DNAH11: variants seen among roughly 807,000 people sequenced by gnomAD.
The protein encoded by DNAH11 is axonemal beta dynein heavy chain 11.
Under a neutral mutation model 526.0 loss-of-function variants are expected in DNAH11, and 442 were observed. The observed-to-expected ratio is 0.84, with a 90% CI of 0.78 to 0.91. The LOEUF (loss-of-function observed/expected upper bound fraction) is 0.91, where lower values mean the gene tolerates loss of function less well. Ranked by LOEUF, DNAH11 falls within the 40% of genes least tolerant of loss-of-function variation. The probability of loss-of-function intolerance (pLI) is 0.00; values close to 1 mark genes in which losing one functional copy is unlikely to be tolerated. For missense variants in DNAH11, 6,989 were observed against 5,448.7 expected, an observed-to-expected ratio of 1.28 and a Z score of -8.90; for synonymous variants, 2,461 against 1,935.9, an observed-to-expected ratio of 1.27 and a Z score of -7.12.
intron 45 of DNAH11, among the ~76,000 whole-genome samples, chr7:21,731,056 A>G (rs181174975): frequency 7.2e-4 from 110 of 152,196 alleles, no homozygotes; most frequent in African/African-American, 2.4e-3. Flanking sequence ...AGGCAGGAGA[A>G]TTGCTTGAAC....
chr7:21,621,194 C>T (rs1226297205), intron 25 of DNAH11, among the ~76,000 whole-genome samples: 3 of 152,128 alleles, frequency 2.0e-5, no homozygotes, highest in Non-Finnish European at 4.4e-5. Flanking sequence ...CTACAAACAC[C>T]TCTATGCAAA....
At chr7:21,698,353 G>T (rs1783936624) in intron 36 of DNAH11, 140 bp downstream of exon 36, 5 of 1,223,370 alleles carry the variant, frequency 4.1e-6, no homozygotes, top group South Asian at 2.9e-5. Flanking sequence ...AATAGTTTGG[G>T]GGAACAGGTG....
rs112875732 is a variant in DNAH11, at chr7:21,742,194, C to G, written c.8154+28C>G. 2.8e-4 allele frequency: 453 copies of G among 1,607,424 alleles called. 1 individual carries two copies. In the African/African-American group the frequency reaches 5.4e-3, roughly 19 times the overall value. ...ACCTTGACTGCTCTATGTTATGCCT[C>G]TTGAGTAGAGAAATAATGATAATAC... is the stretch of plus-strand genomic sequence containing the variant. On this transcript the variant is annotated intron_variant, in intron 49 of 81. Coordinates refer to ENST00000409508, the MANE Select transcript of DNAH11 (RefSeq NM_001277115.2).
intron 28 of DNAH11, among the ~76,000 whole-genome samples, chr7:21,650,096 TA>T (rs1240821285): frequency 3.3e-5 from 5 of 152,084 alleles, no homozygotes; most frequent in Admixed American, 6.5e-5. Context: ...AAGTTTATTT[TA>T]AAAAAAACCC....
At chr7:21,865,124 G>T (rs767430061) in intron 70 of DNAH11, among the ~76,000 whole-genome samples, 2 of 151,048 alleles carry the variant, frequency 1.3e-5, no homozygotes, top group Non-Finnish European at 2.9e-5. Flanking sequence ...ATAAGTGACA[G>T]TTGCCTTAAA....
At chr7:21,880,344 C>T (rs1783871694) in intron 74 of DNAH11, among the ~76,000 whole-genome samples, 1 of 152,122 alleles carries the variant, frequency 6.6e-6, no homozygotes, top group Admixed American at 6.5e-5. Flanking sequence ...CATTCTACTA[C>T]AGTGATGAAA....
chr7:21,661,685 C>G (rs1213473410), intron 30 of DNAH11, among the ~76,000 whole-genome samples: 1 of 152,102 alleles, frequency 6.6e-6, no homozygotes, highest in East Asian at 1.9e-4. Flanking sequence ...TCAGCTTCTA[C>G]TATTCATTAG....
chr7:21,721,401 A>G (rs1275394474), intron 44 of DNAH11, among the ~76,000 whole-genome samples: 2 of 152,120 alleles, frequency 1.3e-5, no homozygotes, highest in Non-Finnish European at 2.9e-5. Context: ...GCATCTTTAG[A>G]TTGCTCTGGT....
chr7:21,665,491 A>G (rs1782388439), intron 30 of DNAH11, among the ~76,000 whole-genome samples: 1 of 152,150 alleles, frequency 6.6e-6, no homozygotes, highest in Non-Finnish European at 1.5e-5. Context: ...TCCCAATATC[A>G]GTGTATAAGA....
chr7:21,769,635 C>T (rs1255086683), intron 55 of DNAH11, among the ~76,000 whole-genome samples: 2 of 152,086 alleles, frequency 1.3e-5, no homozygotes, highest in African/African-American at 4.8e-5. Context: ...CAGGTGCACA[C>T]CACCACGCCC....
At chr7:21,575,568 C>T (rs374698616) in intron 8 of DNAH11, among the ~76,000 whole-genome samples, 3 of 152,174 alleles carry the variant, frequency 2.0e-5, no homozygotes, top group East Asian at 3.9e-4. Context: ...CATGTTTTGC[C>T]TGCCTATTAT....
chr7:21,711,618 C>T lies in DNAH11; in HGVS notation c.6835-94C>T, dbSNP rs1280821074. ...CTGATTCAGGAGAGTGAGCACACAG[C>T]CTGTGATACTTCTGGTAGGGGAAAG... On this transcript the variant is annotated intron_variant, in intron 41 of 81. Transcript: ENST00000409508. The T allele has an allele frequency of 5.3e-6, 8 of 1,510,874 alleles. No individual in the cohort carries two copies. In the Admixed American group the frequency reaches 9.8e-5, roughly 18 times the overall value. 93.6% of individuals were successfully genotyped at this position (1,510,874 alleles called of 1,614,324 possible).
chr7:21,647,203 G>C (rs1392039873), intron 28 of DNAH11, among the ~76,000 whole-genome samples: 1 of 151,974 alleles, frequency 6.6e-6, no homozygotes, highest in African/African-American at 2.4e-5. Flanking sequence ...TTGATGAAAA[G>C]TACAAAAGTG....
Position 21,746,741 on chromosome 7 carries a change from A to G in DNAH11, c.8510+1678A>G, listed in dbSNP as rs528126450. On this transcript the variant is annotated intron_variant, in intron 51 of 81. Coordinates refer to ENST00000409508, the MANE Select transcript of DNAH11 (RefSeq NM_001277115.2). ...TTGTAGAGCCCTTCCTGTCACCACAACTAACTGTTGGTAGTTTTATTGATC... is the reference window on the plus strand; with the variant it reads ...TTGTAGAGCCCTTCCTGTCACCACAGCTAACTGTTGGTAGTTTTATTGATC... 1.6e-4 allele frequency among the ~76,000 whole-genome samples: 24 copies of G among 152,264 alleles called. No individual in the cohort carries two copies. The South Asian group carries it at 4.4e-3, about 28-fold the overall frequency.
In DNAH11 at chr7:21,818,289, A is replaced by T. The variant is rs368052967; in HGVS notation, c.10641A>T (p.Ile3547=). The T allele has an allele frequency of 6.2e-7, 1 of 1,612,368 alleles. No homozygotes were observed. The highest frequency in any genetic ancestry group is 8.5e-7 in the Non-Finnish European group (1 of 1,179,048). ...TAATTGAAAATCTCGAGGAAACGAT[A>T]GATCCAGTCCTGGATCCACTACTTG... ...VILIENLEET[I]DPVLDPLLGR... is the part of the protein sequence containing the mutation. Residue 3547 remains isoleucine (I), a synonymous_variant, in exon 65 of 82, where the codon ATA becomes ATT. Transcript: ENST00000409508.
chr7:21,856,455 A>T (rs1782853130), intron 68 of DNAH11, among the ~76,000 whole-genome samples: 2 of 152,220 alleles, frequency 1.3e-5, no homozygotes, highest in Admixed American at 1.3e-4. Context: ...ATGTGTGAGG[A>T]GAAGAGTAAA....
At chr7:21,885,372 A>T (rs1341218422) in intron 76 of DNAH11, among the ~76,000 whole-genome samples, 1 of 151,046 alleles carries the variant, frequency 6.6e-6, no homozygotes, top group Admixed American at 6.6e-5. Context: ...CAGAAGGACA[A>T]ATACATGTTC....
chr7:21,698,910 T>C (rs775358897), intron 36 of DNAH11, among the ~76,000 whole-genome samples: 2 of 152,158 alleles, frequency 1.3e-5, no homozygotes, highest in Admixed American at 6.5e-5. Flanking sequence ...GAAATATTTT[T>C]ATATTTTCTA....
chr7:21,862,478 TTAA>T (rs1288439058), intron 69 of DNAH11, among the ~76,000 whole-genome samples: 1 of 152,172 alleles, frequency 6.6e-6, no homozygotes, highest in Non-Finnish European at 1.5e-5. Context: ...TTGTGTGTAA[TTAA>T]TAACGCATAT....
Sources: allele counts gnomAD v4.1 joint callset (sites outside exome capture counted in the v4.1 genomes callset), GRCh38; gene constraint gnomAD v4.1.1; transcripts MANE v1.5; gene names NCBI Gene and HGNC (gene_info 2026-07-23, HGNC 2026-07-21).